C1RL: variants seen among roughly 807,000 people sequenced by gnomAD.
C1RL encodes complement C1r subcomponent-like protein.
In C1RL, 27 loss-of-function variants were observed where a neutral mutation model predicts 27.9. The observed-to-expected ratio is 0.97, with a 90% CI of 0.71 to 1.33. C1RL has a LOEUF of 1.33. Among genes scored for constraint, C1RL ranks in the 40% most tolerant of loss-of-function variants. The pLI is 0.00. For synonymous variants in C1RL, 248 were observed against 252.1 expected (o/e 0.98, Z 0.15); for missense variants, 563 against 623.9 (o/e 0.90, Z 1.04).
At position 7,097,076 on chromosome 12, in the gene C1RL, G is replaced by T. The variant is rs1178266642; in HGVS notation, c.779C>A (p.Ala260Asp). The change falls in exon 6 of 6, where the codon GCC (alanine) becomes GAC (aspartate). Residue 260 changes from alanine to aspartate, a missense_variant. Transcript: ENST00000266542. ...CCCACGGCCGTGGATACTGGTGAAG[G>T]CTTGCCAGGGGAAGTTGCCCAGCTT... ...RAKLGNFPWQ[A>D]FTSIHGRGGG... 2 of 1,614,148 alleles carry T rather than the reference G, an allele frequency of 1.2e-6. No individual in the cohort carries two copies. Among genetic ancestry groups the T allele is most frequent in the East Asian group, 2.2e-5 (1 of 44,870 alleles).
Position 7,097,117 on chromosome 12 carries a change from G to A in C1RL, c.738C>T (p.Leu246=), listed in dbSNP as rs1189595790. ...TGCCCAGCTTGGCTCTGGAAGAACC[G>A]AGGGTCGTCTGATTCTGGGCAATGG... ...VTPIAQNQTT[L]GSSRAKLGNF... Residue 246 remains leucine (L), a synonymous_variant, in exon 6 of 6, where the codon CTC becomes CTT. Coordinates refer to ENST00000266542, the MANE Select transcript of C1RL (RefSeq NM_016546.4). The A allele has an allele frequency of 5.0e-6, 8 of 1,613,352 alleles. No individual in the cohort carries two copies. Among genetic ancestry groups the A allele is most frequent in the Admixed American group, 1.7e-5 (1 of 59,958 alleles).
At chr12:7,109,061 T>A in intron 1 of C1RL, 49 bp downstream of exon 1, 1 of 1,401,252 alleles carries the variant, frequency 7.1e-7, no homozygotes, top group East Asian at 2.5e-5. Context: ...CCACCCTTTC[T>A]CTTCCCCTCC....
At position 7,109,108 on chromosome 12, in the gene C1RL, A is replaced by G; in HGVS notation, c.71+2T>C. The stretch of plus-strand genomic sequence containing the variant: ...CTCCTCCTCTGCCGGGGCCACACTC[A>G]CATTGCGCCTGGACAGCCTTTGGAG... On this transcript the variant is annotated splice_donor_variant, in intron 1 of 5. Coordinates refer to ENST00000266542, the MANE Select transcript of C1RL (RefSeq NM_016546.4). LOFTEE classifies it high-confidence loss of function. 1 of 1,588,808 alleles carries G rather than the reference A, an allele frequency of 6.3e-7. No homozygotes were observed. Among genetic ancestry groups the G allele is most frequent in the South Asian group, 1.1e-5 (1 of 87,430 alleles).
Position 7,096,146 on chromosome 12 carries a change from C to A in C1RL, c.*245G>T, listed in dbSNP as rs955575986. ...GGCTTCCCGGGGCCTAGTGCATGAG[C>A]ACAGGGAGGTAGAGGGTGAGGAGGA... On this transcript the variant is annotated 3_prime_UTR_variant, in exon 6 of 6. Transcript: ENST00000266542. 2 of 1,301,398 alleles carry A rather than the reference C, an allele frequency of 1.5e-6. No individual in the cohort carries two copies. Among genetic ancestry groups the A allele is most frequent in the African/African-American group, 3.0e-5 (2 of 66,528 alleles). The allele number at this position is 1,301,398 out of a possible 1,614,324, so 80.6% of individuals were successfully genotyped here.
At chr12:7,097,966 G>T (rs1938501308) in intron 5 of C1RL, among the ~76,000 whole-genome samples, 1 of 152,056 alleles carries the variant, frequency 6.6e-6, no homozygotes, top group Admixed American at 6.5e-5. Flanking sequence ...ATCAGATTGG[G>T]TTAAGAAGGC....
Position 7,095,010 on chromosome 12 carries a change from A to ATT in C1RL, c.*1380_*1381insAA, listed in dbSNP as rs1938386471. ...TAACCTTTGACCATATAGCAACTTG[A>ATT]CTCTTGATGCTAACAAATTACCTCT... On this transcript the variant is annotated 3_prime_UTR_variant, in exon 6 of 6. Coordinates refer to ENST00000266542, the MANE Select transcript of C1RL (RefSeq NM_016546.4). The ATT allele has an allele frequency of 9.0e-7, 1 of 1,107,450 alleles. No homozygotes were observed. The highest frequency in any genetic ancestry group is 1.7e-5 in the African/African-American group (1 of 58,212). The allele number at this position is 1,107,450 out of a possible 1,614,324, so 68.6% of individuals were successfully genotyped here.
intron 5 of C1RL, among the ~76,000 whole-genome samples, chr12:7,098,603 C>CCATAGAAAG (rs1387805050): frequency 6.6e-6 from 1 of 152,104 alleles, no homozygotes; most frequent in Non-Finnish European, 1.5e-5. Context: ...AATGGCGTAT[C>CCATAGAAAG]CATAGAAAGG....
chr12:7,095,410 G>C lies in C1RL; in HGVS notation c.*981C>G. ...ATTACAGGCGTGAGCCACTGCGCCC[G>C]GCCCATCACCTCCAGGTTTTACTAA... is the stretch of plus-strand genomic sequence containing the variant. On this transcript the variant is annotated 3_prime_UTR_variant, in exon 6 of 6. Coordinates refer to ENST00000266542, the MANE Select transcript of C1RL (RefSeq NM_016546.4). 1.0e-6 allele frequency: 1 copy of C among 1,000,348 alleles called. No homozygotes were observed. Among genetic ancestry groups the C allele is most frequent in the Non-Finnish European group, 1.2e-6 (1 of 838,042 alleles). The allele number at this position is 1,000,348 out of a possible 1,614,324, so 62.0% of individuals were successfully genotyped here.
Position 7,096,846 on chromosome 12 carries a change from TAA to T in C1RL, c.1007_1008del (p.Phe336Ter), listed in dbSNP as rs747146443. On this transcript the variant is annotated frameshift_variant, in exon 6 of 6. Coordinates refer to ENST00000266542, the MANE Select transcript of C1RL (RefSeq NM_016546.4). LOFTEE classifies it low-confidence loss of function (END_TRUNC). ...AGCTCCAGGAGGGCGATGTCCCCGC[TAA>T]AGTTATGGGACTCATTCTGACGGTA... is the stretch of plus-strand genomic sequence containing the variant. ...PDYRQNESHN[F>X]SGDIALLELQ... The T allele has an allele frequency of 6.2e-7, 1 of 1,603,722 alleles. No homozygotes were observed. Among genetic ancestry groups the T allele is most frequent in the Non-Finnish European group, 8.5e-7 (1 of 1,174,248 alleles).
At chr12:7,099,533 T>C in intron 5 of C1RL, 153 bp downstream of exon 5, 1 of 950,550 alleles carries the variant, frequency 1.1e-6, no homozygotes. Context: ...CTGCCTGTTC[T>C]TTTCTGGGCC....
intron 2 of C1RL, among the ~76,000 whole-genome samples, chr12:7,103,395 C>T (rs1938677940): frequency 6.6e-6 from 1 of 152,188 alleles, no homozygotes; most frequent in Non-Finnish European, 1.5e-5. Context: ...TGGGGAGTTT[C>T]TGAAGCACCC....
chr12:7,097,255 A>T, intron 5 of C1RL, 92 bp from the exon 6 acceptor site: 2 of 1,118,584 alleles, frequency 1.8e-6, no homozygotes, highest in Non-Finnish European at 2.5e-6. Context: ...GTGGTAGGGG[A>T]CGCGTGAAGA....
intron 2 of C1RL, among the ~76,000 whole-genome samples, chr12:7,106,258 C>A (rs1014426493): frequency 6.6e-6 from 1 of 152,008 alleles, no homozygotes; most frequent in Non-Finnish European, 1.5e-5. Context: ...CATCAAAATT[C>A]TGGAAGAAAA....
At position 7,104,641 on chromosome 12, in the gene C1RL, G is replaced by T. The variant is rs1479723163; in HGVS notation, c.301-2554C>A. 6.6e-6 allele frequency among the ~76,000 whole-genome samples: 1 copy of T among 152,224 alleles called. No individual in the cohort carries two copies. Among genetic ancestry groups the T allele is most frequent in the Non-Finnish European group, 1.5e-5 (1 of 68,040 alleles). Reference sequence around the variant, plus strand: ...CAGGATGGTGTCCTGTCCAGCACTGGTTCATGCCTTGCATCCTGAACTGCT... The same window carrying T: ...CAGGATGGTGTCCTGTCCAGCACTGTTTCATGCCTTGCATCCTGAACTGCT... On this transcript the variant is annotated intron_variant, in intron 2 of 5. Coordinates refer to ENST00000266542, the MANE Select transcript of C1RL (RefSeq NM_016546.4). This position sits in a 1 kb window ranked among gnomAD's most constrained non-coding sequence, Gnocchi z 5.4.
intron 5 of C1RL, among the ~76,000 whole-genome samples, chr12:7,099,041 CAAA>C (rs35402492): frequency 1.7e-4 from 22 of 127,634 alleles, no homozygotes; most frequent in Non-Finnish European, 2.8e-4. Context: ...ACTAAAAATA[CAAA>C]AAAAAAAAAA....
At chr12:7,098,760 A>G (rs982620942) in intron 5 of C1RL, among the ~76,000 whole-genome samples, 2 of 152,354 alleles carry the variant, frequency 1.3e-5, no homozygotes, top group South Asian at 2.1e-4. Flanking sequence ...AGGCAAATCC[A>G]TAGAGATAGA....
chr12:7,108,579 C>A, intron 1 of C1RL, 100 bp from the exon 2 acceptor site: 1 of 906,524 alleles, frequency 1.1e-6, no homozygotes, highest in Non-Finnish European at 1.6e-6. Flanking sequence ...TCAGAGGCCT[C>A]GCGAGGCAGG....
intron 2 of C1RL, among the ~76,000 whole-genome samples, chr12:7,105,051 T>C (rs1336049668): frequency 6.6e-6 from 1 of 152,190 alleles, no homozygotes; most frequent in Non-Finnish European, 1.5e-5. Flanking sequence ...TTTCTCAGCT[T>C]GTTGACCAGA....
At chr12:7,108,152 C>T (rs1324099111) in intron 2 of C1RL, 99 bp downstream of exon 2, 2 of 984,164 alleles carry the variant, frequency 2.0e-6, no homozygotes, top group Non-Finnish European at 1.4e-6. Flanking sequence ...AAAATTCATC[C>T]CTCCTCCAGA....
Sources: gnomAD v4.1 joint callset for allele counts (sites outside exome capture counted in the v4.1 genomes callset) on GRCh38, gnomAD v4.1.1 for gene constraint, Gnocchi (gnomAD v3.1) non-coding constraint, MANE v1.5 for transcripts, NCBI Gene and HGNC (gene_info 2026-07-23, HGNC 2026-07-21) for gene names.